Variants in CLDN16 observed in about 807,000 individuals in gnomAD.
CLDN16 encodes claudin 16.
In CLDN16, 13 loss-of-function variants were observed where a neutral mutation model predicts 24.6. That is an observed-to-expected ratio of 0.53 (90% CI 0.34 to 0.84). The LOEUF is 0.84. Ranked by LOEUF, CLDN16 falls within the 40% of genes least tolerant of loss-of-function variation. The pLI is 0.01. For missense variants in CLDN16, 298 were observed against 292.7 expected, an observed-to-expected ratio of 1.02 and a Z score of -0.13; for synonymous variants, 116 against 106.7, an observed-to-expected ratio of 1.09 and a Z score of -0.54.
At chr3:190,358,696 C>T (rs151169596) in intron 1 of CLDN16, among the ~76,000 whole-genome samples, 209 of 152,066 alleles carry the variant, frequency 1.4e-3, no homozygotes, top group African/African-American at 4.8e-3. Flanking sequence ...TTGCTCAGAG[C>T]TTCAACAGGC....
the CLDN16 span, chr3:190,313,171 T>C: frequency 1.0e-6 from 1 of 955,018 alleles, no homozygotes; most frequent in Non-Finnish European, 1.6e-6. Context: ...CCAGTCATAC[T>C]GATGTTTCCG....
At chr3:190,382,820 CT>C (rs1351068505) in intron 3 of CLDN16, among the ~76,000 whole-genome samples, 1 of 152,074 alleles carries the variant, frequency 6.6e-6, no homozygotes, top group Admixed American at 6.6e-5. Flanking sequence ...TTCAGTCATG[CT>C]TCATGTGAGA....
chr3:190,385,320 A>G (rs1419094801), upstream of CLDN16, among the ~76,000 whole-genome samples: 1 of 152,192 alleles, frequency 6.6e-6, no homozygotes, highest in Admixed American at 6.5e-5. Context: ...ATTTCTTAGA[A>G]GTGCACTCAC....
In CLDN16 at chr3:190,410,170, T is replaced by C; in HGVS notation, c.*134T>C. ...AAATTAATTGCTAGCTTAATCAAAA[T>C]GTTTGATTCTCCTATACTTTTTCTT... On this transcript the variant is annotated 3_prime_UTR_variant, in exon 5 of 5. Coordinates refer to ENST00000264734, the MANE Select transcript of CLDN16 (RefSeq NM_006580.4). 9.7e-7 allele frequency: 1 copy of C among 1,030,398 alleles called. No homozygotes were observed. Among genetic ancestry groups the C allele is most frequent in the South Asian group, 1.4e-5 (1 of 73,452 alleles). The allele number at this position is 1,030,398 out of a possible 1,614,324, so 63.8% of individuals were successfully genotyped here.
At chr3:190,403,411 A>T (rs1004965386) in intron 2 of CLDN16, among the ~76,000 whole-genome samples, 1 of 152,196 alleles carries the variant, frequency 6.6e-6, no homozygotes, top group African/African-American at 2.4e-5. Flanking sequence ...AATGTCTTAA[A>T]TTTAAAAATC....
At chr3:190,349,813 A>G (rs1717633039) in intron 1 of CLDN16, among the ~76,000 whole-genome samples, 1 of 152,136 alleles carries the variant, frequency 6.6e-6, no homozygotes, top group African/African-American at 2.4e-5. Context: ...AAAATGAAAG[A>G]TTTCTCAGCT....
At chr3:190,346,802 C>T (rs1330006380) in intron 1 of CLDN16, among the ~76,000 whole-genome samples, 3 of 152,136 alleles carry the variant, frequency 2.0e-5, no homozygotes, top group Non-Finnish European at 4.4e-5. Flanking sequence ...TCTGCCTTTC[C>T]ACATGACATT....
At position 190,353,231 on chromosome 3, in the gene CLDN16, T is replaced by A. The variant is rs79534605; in HGVS notation, n.122-17662T>A. ...TGCCACCTTCATCCAAAATTCAGAG[T>A]GACCTGCTGTGAGCAATTTACTTTC... is the stretch of plus-strand genomic sequence containing the variant. On this transcript the variant is annotated intron_variant and non_coding_transcript_variant, in intron 1 of 4. Coordinates refer to the CLDN16 transcript ENST00000468220. Among the ~76,000 whole-genome samples, 1,082 of 151,874 alleles carry A rather than the reference T, an allele frequency of 7.1e-3. 14 individuals are homozygous for A. The highest frequency in any genetic ancestry group is 0.025 in the African/African-American group (1,021 of 41,266).
At chr3:190,385,725 G>C (rs957303491), upstream of CLDN16, among the ~76,000 whole-genome samples, 1 of 152,048 alleles carries the variant, frequency 6.6e-6, no homozygotes, top group Non-Finnish European at 1.5e-5. Context: ...TGCTAGTTAG[G>C]GAAGAGTTTG....
intron 1 of CLDN16, among the ~76,000 whole-genome samples, chr3:190,349,688 G>A (rs1388418761): frequency 6.6e-6 from 1 of 152,196 alleles, no homozygotes; most frequent in Non-Finnish European, 1.5e-5. Context: ...GAAAATGATA[G>A]TGTGCCAGTT....
rs1388166379 is a variant in CLDN16 at position 190,388,237 on chromosome 3, G to T, written c.-93G>T. 1 of 1,613,920 alleles carries T rather than the reference G, an allele frequency of 6.2e-7. No homozygotes were observed. The highest frequency in any genetic ancestry group is 1.3e-5 in the African/African-American group (1 of 74,908). ...AAGACCAGTATTTTCACATTGCCAGGTACCAGAAACACAGAAGACTGACAC... is the reference window on the plus strand; with the variant it reads ...AAGACCAGTATTTTCACATTGCCAGTTACCAGAAACACAGAAGACTGACAC... On this transcript the variant is annotated 5_prime_UTR_variant, in exon 1 of 5. Transcript: ENST00000264734.
At chr3:190,375,544 C>T (rs1173614076) in intron 3 of CLDN16, among the ~76,000 whole-genome samples, 5 of 151,926 alleles carry the variant, frequency 3.3e-5, no homozygotes, top group African/African-American at 9.7e-5. Flanking sequence ...CATTGCTACA[C>T]AAAGCAGATA....
chr3:190,305,742 G>A, the CLDN16 span: 2 of 152,164 alleles, frequency 1.3e-5, no homozygotes, highest in Non-Finnish European at 2.9e-5. Flanking sequence ...TTGAAAAAGA[G>A]TAATGCTTTA....
chr3:190,396,801 A>G (rs116275313), intron 1 of CLDN16, among the ~76,000 whole-genome samples: 1 of 152,338 alleles, frequency 6.6e-6, no homozygotes, highest in African/African-American at 2.4e-5. Context: ...TGGGAGGCTA[A>G]TGAAAAAACA....
chr3:190,332,773 GA>G (rs1478312116), intron 1 of CLDN16, among the ~76,000 whole-genome samples: 2 of 118,824 alleles, frequency 1.7e-5, no homozygotes, highest in Admixed American at 8.5e-5. Flanking sequence ...AGCAGAGCAT[GA>G]TTTTTTTTTT....
Sources: gnomAD v4.1 joint callset for allele counts (sites outside exome capture counted in the v4.1 genomes callset) on GRCh38, gnomAD v4.1.1 for gene constraint, MANE v1.5 for transcripts, NCBI Gene and HGNC (gene_info 2026-07-23, HGNC 2026-07-21) for gene names.